Variants in LTBR observed in about 807,000 individuals in gnomAD.
The protein encoded by LTBR is lymphotoxin beta receptor, also known as tumor necrosis factor receptor superfamily member 3.
In LTBR, 15 loss-of-function variants were observed where a neutral mutation model predicts 45.4. That is an observed-to-expected ratio of 0.33 (90% CI 0.22 to 0.51). The LOEUF (loss-of-function observed/expected upper bound fraction) is 0.51. Among genes scored for constraint, LTBR ranks in the 20% least tolerant of loss-of-function variants. The pLI, the probability that LTBR is intolerant of heterozygous loss-of-function variation, is 0.97. For missense variants in LTBR, 450 were observed against 565.5 expected, an observed-to-expected ratio of 0.80 and a Z score of 2.07; for synonymous variants, 228 against 231.0, an observed-to-expected ratio of 0.99 and a Z score of 0.12.
rs35681405 is a variant in LTBR, at chr12:6,390,130, G to C, written c.820G>C (p.Val274Leu). ...RRPQGEGPNP[V>L]AGSWEPPKAH... ...CCTGCAGGGAGAGGGACCCAATCCTGTAGCTGGAAGCTGGGAGCCTCCGAA... is the reference window on the plus strand; with the variant it reads ...CCTGCAGGGAGAGGGACCCAATCCTCTAGCTGGAAGCTGGGAGCCTCCGAA... Residue 274 changes from valine to leucine, a missense_variant, in exon 9 of 10, where the codon GTA (valine) becomes CTA (leucine). Val to Leu is a conservative substitution (Grantham distance 32). This residue lies in a region of LTBR where 367 missense variants were observed against 435.4 expected (regional missense o/e 0.84). Coordinates refer to ENST00000228918, the MANE Select transcript of LTBR (RefSeq NM_002342.3). 1 of 1,613,954 alleles carries C rather than the reference G, an allele frequency of 6.2e-7. No homozygotes were observed. The highest frequency in any genetic ancestry group is 8.5e-7 in the Non-Finnish European group (1 of 1,179,930).
chr12:6,375,538 C>T (rs1948889929), exon 1 of LTBR: 2 of 1,535,220 alleles, frequency 1.3e-6, no homozygotes, highest in Non-Finnish European at 1.7e-6. Context: ...GGGGAGCCCG[C>T]CCGCTGGCCG....
Position 6,384,326 on chromosome 12 carries a change from C to G in LTBR, c.-33C>G. 6.8e-7 allele frequency: 1 copy of G among 1,460,176 alleles called. No individual in the cohort carries two copies. The highest frequency in any genetic ancestry group is 9.0e-7 in the Non-Finnish European group (1 of 1,111,904). 90.5% of individuals were successfully genotyped at this position (1,460,176 alleles called of 1,614,324 possible). ...GGCCTCCTGCCTTCCTCCCAGGCCC[C>G]CACGTTGCTGGCCGCCTGGCCGAGT... is the stretch of plus-strand genomic sequence containing the variant. On this transcript the variant is annotated 5_prime_UTR_variant, in exon 1 of 10. Transcript: ENST00000228918.
At chr12:6,387,241 T>C (rs1949059803) in intron 6 of LTBR, 1 of 152,226 alleles carries the variant, frequency 6.6e-6, no homozygotes, top group African/African-American at 2.4e-5. Flanking sequence ...ATCCACTCGT[T>C]ACATTGTGGT....
chr12:6,378,537 G>T (rs1948943368), intron 1 of LTBR, among the ~76,000 whole-genome samples: 1 of 147,398 alleles, frequency 6.8e-6, no homozygotes, highest in African/African-American at 2.6e-5. Flanking sequence ...GAAAATGAAA[G>T]GGCAAGAAGG....
intron 1 of LTBR, among the ~76,000 whole-genome samples, chr12:6,376,884 G>A (rs1007654620): frequency 1.3e-5 from 2 of 152,166 alleles, no homozygotes. Context: ...GATACACACC[G>A]GGGGAGGAGA....
At position 6,375,573 on chromosome 12, in the gene LTBR, C is replaced by T. The variant is rs1262743293; in HGVS notation, c.18C>T (p.Ile6=). The change falls in exon 1 of 10, where the codon ATC becomes ATT. Residue 6 remains isoleucine (I), a synonymous_variant. Coordinates refer to the LTBR transcript ENST00000539925. ...GGCCAGGGATGGAAGCGACAGGAAT[C>T]TCATTAGCATCTCAATTAAAGGTGA... 2.0e-6 allele frequency: 3 copies of T among 1,534,072 alleles called. No individual in the cohort carries two copies. In the East Asian group the frequency reaches 7.4e-5, roughly 38 times the overall value.
Position 6,386,310 on chromosome 12 carries a change from G to A in LTBR, c.570-37G>A. On this transcript the variant is annotated intron_variant, in intron 5 of 9. Transcript: ENST00000228918. This position sits in a 1 kb window ranked among gnomAD's most constrained non-coding sequence, Gnocchi z 4.1. Reference sequence around the variant, plus strand: ...GTGGAGTCGGGACACTGGTGGGCCAGGGCGTGAAAAGGTCATCATCTTTTT... The same window carrying A: ...GTGGAGTCGGGACACTGGTGGGCCAAGGCGTGAAAAGGTCATCATCTTTTT... 6.3e-7 allele frequency: 1 copy of A among 1,580,436 alleles called. No individual in the cohort carries two copies. The highest frequency in any genetic ancestry group is 8.7e-7 in the Non-Finnish European group (1 of 1,150,584).
In LTBR at chr12:6,386,470, G is replaced by GGC. The variant is rs377408723; in HGVS notation, c.667+27_667+28insCG. The GGC allele has an allele frequency of 8.8e-4, 883 of 999,026 alleles. 7 individuals carry two copies. The highest frequency in any genetic ancestry group is 3.6e-3 in the Middle Eastern group (15 of 4,110). The allele number at this position is 999,026 out of a possible 1,614,324, so 61.9% of individuals were successfully genotyped here. The stretch of plus-strand genomic sequence containing the variant: ...GTGAGGGACCAGGGCTGAGGGACAC[G>GGC]GGGGGGGCGCCTCTGAAAATGCCTT... On this transcript the variant is annotated intron_variant, in intron 6 of 9. Transcript: ENST00000228918. The surrounding 1 kb of genome is among the most constrained non-coding windows in gnomAD (Gnocchi z 4.1).
At position 6,386,247 on chromosome 12, in the gene LTBR, G is replaced by T; in HGVS notation, c.569+85G>T. ...CCCCAGCGCCTATCCTTGACACCAC[G>T]GACTCGACTCACCACTTTCAGCCTC... is the stretch of plus-strand genomic sequence containing the variant. On this transcript the variant is annotated intron_variant, in intron 5 of 9. Coordinates refer to ENST00000228918, the MANE Select transcript of LTBR (RefSeq NM_002342.3). The surrounding 1 kb of genome is among the most constrained non-coding windows in gnomAD (Gnocchi z 4.1). 1 of 1,479,636 alleles carries T rather than the reference G, an allele frequency of 6.8e-7. No individual in the cohort carries two copies. The highest frequency in any genetic ancestry group is 1.1e-5 in the South Asian group (1 of 87,674). The allele number at this position is 1,479,636 out of a possible 1,614,324, so 91.7% of individuals were successfully genotyped here.
At chr12:6,377,004 A>C (rs1483701345) in intron 1 of LTBR, among the ~76,000 whole-genome samples, 1 of 152,258 alleles carries the variant, frequency 6.6e-6, no homozygotes, top group Non-Finnish European at 1.5e-5. Flanking sequence ...GAGATAAGAC[A>C]TAAGAGCCAA....
At position 6,385,305 on chromosome 12, in the gene LTBR, C is replaced by T. The variant is rs1949027159; in HGVS notation, c.398C>T (p.Ala133Val). 1.9e-6 allele frequency: 3 copies of T among 1,614,024 alleles called. No homozygotes were observed. The highest frequency in any genetic ancestry group is 1.6e-4 in the Middle Eastern group (1 of 6,084). Residue 133 changes from alanine to valine, a missense_variant, in exon 4 of 10, where the codon GCT becomes GTT. This residue lies in a region of LTBR where 367 missense variants were observed against 435.4 expected (regional missense o/e 0.84). Coordinates refer to ENST00000228918, the MANE Select transcript of LTBR (RefSeq NM_002342.3). ...QCRCQPGMFC[A>V]AWALECTHCE... ...CGCTGCCAGCCGGGAATGTTCTGTG[C>T]TGCCTGGGCCCTCGAGTGTACACAC... is the stretch of plus-strand genomic sequence containing the variant.
rs949254102 is a variant in LTBR, at chr12:6,390,209, A to G, written c.899A>G (p.Asp300Gly). 4.3e-6 allele frequency: 7 copies of G among 1,613,860 alleles called. No individual in the cohort carries two copies. Among genetic ancestry groups the G allele is most frequent in the Non-Finnish European group, 5.9e-6 (7 of 1,180,012 alleles). ...CAGCCACTGCTACCCATTTCTGGAG[A>G]TGTTTCCCCAGTATCCACTGGGCTC... ...LVQPLLPISG[D>G]VSPVSTGLPA... The change falls in exon 9 of 10, where the codon GAT (aspartate) becomes GGT (glycine). Residue 300 changes from aspartate (D) to glycine (G), a missense_variant. Physicochemically the swap from Asp to Gly is moderately conservative, Grantham distance 94. Transcript: ENST00000228918.
At position 6,391,054 on chromosome 12, in the gene LTBR, A is replaced by C; in HGVS notation, c.*117A>C. The C allele has an allele frequency of 1.8e-6, 2 of 1,118,002 alleles. No individual in the cohort carries two copies. Among genetic ancestry groups the C allele is most frequent in the Non-Finnish European group, 1.2e-6 (1 of 814,908 alleles). 69.3% of individuals were successfully genotyped at this position (1,118,002 alleles called of 1,614,324 possible). A position where few individuals can be genotyped will look rare whatever the true frequency, so the allele number is the denominator to read the frequency against. ...TAGGGCCCGGGGAAGCAGAGCCCTA[A>C]GGGATTAAGGCTCAGACACCTCTGA... On this transcript the variant is annotated 3_prime_UTR_variant, in exon 10 of 10. Coordinates refer to ENST00000228918, the MANE Select transcript of LTBR (RefSeq NM_002342.3).
intron 4 of LTBR, 96 bp from the exon 5 acceptor site, chr12:6,385,961 AATGGGGTGG>A (rs1949040671): frequency 2.6e-6 from 2 of 756,240 alleles, no homozygotes; most frequent in Admixed American, 3.9e-5. Flanking sequence ...AGAGCTACGC[AATGGGGTGG>A]ATGGGCATCC....
intron 1 of LTBR, chr12:6,377,747 C>A (rs541404548): frequency 1.8e-6 from 2 of 1,110,346 alleles, no homozygotes; most frequent in African/African-American, 1.6e-5. Context: ...CACCTCCCTG[C>A]CTTTTCTATT....
At position 6,390,985 on chromosome 12, in the gene LTBR, C is replaced by A; in HGVS notation, c.*48C>A. The A allele has an allele frequency of 6.7e-7, 1 of 1,488,512 alleles. No homozygotes were observed. The highest frequency in any genetic ancestry group is 2.5e-5 in the East Asian group (1 of 40,708). 92.2% of individuals were successfully genotyped at this position (1,488,512 alleles called of 1,614,324 possible). A position where few individuals can be genotyped will look rare whatever the true frequency, so the allele number is the denominator to read the frequency against. ...GAAGGGGGGCACAAGGGCACCTTCT[C>A]CCTTGAGGCTGCCCTGCCCACGTGG... On this transcript the variant is annotated 3_prime_UTR_variant, in exon 10 of 10. Coordinates refer to ENST00000228918, the MANE Select transcript of LTBR (RefSeq NM_002342.3).
At chr12:6,375,164 T>G, upstream of LTBR, 12 of 1,459,988 alleles carry the variant, frequency 8.2e-6, no homozygotes, top group Non-Finnish European at 9.9e-6. Context: ...TTTGGTCTTC[T>G]TCCTCCAGGA....
chr12:6,384,187 G>T lies in LTBR; in HGVS notation c.-172G>T. On this transcript the variant is annotated 5_prime_UTR_variant, in exon 1 of 10. It removes an upstream start codon present in the reference 5' UTR. Coordinates refer to ENST00000228918, the MANE Select transcript of LTBR (RefSeq NM_002342.3). ...ACTCCCACTTCCTGAGCTCCGCCAT[G>T]GGAGCCCTGGAGGCCCGGCCTGGCC... 1 of 1,301,742 alleles carries T rather than the reference G, an allele frequency of 7.7e-7. No individual in the cohort carries two copies. 80.6% of individuals were successfully genotyped at this position (1,301,742 alleles called of 1,614,324 possible). A position where few individuals can be genotyped will look rare whatever the true frequency, so the allele number is the denominator to read the frequency against.
Position 6,390,831 on chromosome 12 carries a change from C to A in LTBR, c.1202C>A (p.Thr401Lys). The A allele has an allele frequency of 6.2e-7, 1 of 1,612,028 alleles. No homozygotes were observed. Among genetic ancestry groups the A allele is most frequent in the South Asian group, 1.1e-5 (1 of 90,256 alleles). The change falls in exon 10 of 10, where the codon ACA becomes AAA. Residue 401 changes from threonine (T) to lysine (K), a missense_variant. Physicochemically the swap from Thr to Lys is moderately conservative, Grantham distance 78 (BLOSUM62 -1). Around this residue, in one of 3 missense-constraint regions of LTBR, gnomAD observed 71 missense variants for 90.4 expected, o/e 0.79. Transcript: ENST00000228918. ...EGDPGPPGLSTPHQEDGKAWH... is the reference protein window; with the variant it reads ...EGDPGPPGLSKPHQEDGKAWH... Reference sequence around the variant, plus strand: ...GACCCTGGCCCTCCCGGGCTCTCTACACCCCACCAGGAAGATGGCAAGGCT... The same window carrying A: ...GACCCTGGCCCTCCCGGGCTCTCTAAACCCCACCAGGAAGATGGCAAGGCT...
Sources: gnomAD v4.1 joint callset for allele counts (sites outside exome capture counted in the v4.1 genomes callset) on GRCh38, gnomAD v4.1.1 for gene constraint, gnomAD v4.1.1 regional missense constraint, Gnocchi (gnomAD v3.1) non-coding constraint, MANE v1.5 for transcripts, NCBI Gene and HGNC (gene_info 2026-07-23, HGNC 2026-07-21) for gene names.